Variants in TDRP observed in about 807,000 individuals in gnomAD.
TDRP encodes testis development related protein, also known as testis development-related protein.
Under a neutral mutation model 10.5 loss-of-function variants are expected in TDRP, and 12 were observed. That is an observed-to-expected ratio of 1.15 (90% CI 0.73 to 1.86). The LOEUF is 1.86. Among genes scored for constraint, TDRP ranks in the 40% most tolerant of loss-of-function variants. The probability of loss-of-function intolerance (pLI) is 0.00; values close to 1 mark genes in which losing one functional copy is unlikely to be tolerated. For synonymous variants in TDRP, 139 were observed against 95.4 expected (o/e 1.46, Z -2.67); for missense variants, 353 against 229.2 (o/e 1.54, Z -3.49).
At chr8:503,731 C>G (rs1356447381) in intron 1 of TDRP, among the ~76,000 whole-genome samples, 1 of 143,436 alleles carries the variant, frequency 7.0e-6, no homozygotes, top group African/African-American at 2.6e-5. Flanking sequence ...AGCTACACAT[C>G]AGAACCCGTG....
intron 1 of TDRP, among the ~76,000 whole-genome samples, chr8:522,743 C>G (rs1823256): frequency 0.7 from 106,150 of 152,050 alleles, 37,520 homozygotes; most frequent in African/African-American, 0.76. Flanking sequence ...CAACCCCTGC[C>G]TCTGATTCCT....
intron 1 of TDRP, among the ~76,000 whole-genome samples, chr8:531,613 TTAATC>T (rs1802200378): frequency 6.6e-6 from 1 of 152,234 alleles, no homozygotes; most frequent in Non-Finnish European, 1.5e-5. Flanking sequence ...GATGCCATCT[TTAATC>T]ACAGTTACAG....
chr8:499,214 T>C (rs1420523703), intron 1 of TDRP, among the ~76,000 whole-genome samples: 1 of 151,582 alleles, frequency 6.6e-6, no homozygotes, highest in African/African-American at 2.4e-5. Context: ...GTTTATGAAC[T>C]TCAAACAACG....
intron 1 of TDRP, among the ~76,000 whole-genome samples, chr8:501,944 G>A (rs1450568154): frequency 6.6e-6 from 1 of 152,188 alleles, no homozygotes; most frequent in Admixed American, 6.5e-5. Context: ...GAACAGTTCT[G>A]GACAAAGGCT....
At chr8:504,330 T>A (rs1801394547) in intron 1 of TDRP, among the ~76,000 whole-genome samples, 2 of 152,302 alleles carry the variant, frequency 1.3e-5, no homozygotes, top group South Asian at 4.1e-4. Context: ...CCAGACAGCA[T>A]GTTTTGGGTA....
chr8:519,880 G>C (rs1241676809), intron 1 of TDRP, among the ~76,000 whole-genome samples: 1 of 152,192 alleles, frequency 6.6e-6, no homozygotes, highest in African/African-American at 2.4e-5. Context: ...TGTGGCCAGA[G>C]GTGTCTGATC....
chr8:506,737 G>C (rs1439033834), intron 1 of TDRP, among the ~76,000 whole-genome samples: 1 of 152,224 alleles, frequency 6.6e-6, no homozygotes, highest in Non-Finnish European at 1.5e-5. Flanking sequence ...GCTGAGAGAT[G>C]TCCCTGGTGG....
chr8:534,698 G>A (rs1167185003), intron 1 of TDRP, among the ~76,000 whole-genome samples: 1 of 152,234 alleles, frequency 6.6e-6, no homozygotes, highest in African/African-American at 2.4e-5. Context: ...GGGTGATGAT[G>A]AGTGTTTGCT....
intron 1 of TDRP, among the ~76,000 whole-genome samples, chr8:527,539 G>A (rs1802065048): frequency 1.3e-5 from 2 of 151,966 alleles, no homozygotes; most frequent in East Asian, 1.9e-4. Flanking sequence ...GTAACCAAAT[G>A]GAACTGGCAC....
At chr8:525,738 A>G (rs1216104282) in intron 1 of TDRP, among the ~76,000 whole-genome samples, 1 of 152,226 alleles carries the variant, frequency 6.6e-6, no homozygotes, top group East Asian at 1.9e-4. Flanking sequence ...AGAGAAAATC[A>G]CCGACGGGAA....
intron 1 of TDRP, among the ~76,000 whole-genome samples, 188 bp downstream of exon 1, chr8:544,462 G>A (rs1802582246): frequency 6.6e-6 from 1 of 152,162 alleles, no homozygotes; most frequent in African/African-American, 2.4e-5. Context: ...CGAGCCTCGG[G>A]TCAAGTTCTC....
At position 492,483 on chromosome 8, in the gene TDRP, C is replaced by T. The variant is rs1801006946; in HGVS notation, c.474G>A (p.Trp158Ter). ...CCAGCCTCCCTGCCGCGCGCAGGCT[C>T]CACCTGGAGCTGTTGGCAGAGCTGG... ...SLASSANSSR[W>*]SLRAAGRLVS... Residue 158 changes from tryptophan to a stop codon, truncating the protein, a stop_gained, in exon 3 of 3, where the codon TGG becomes TGA. Transcript: ENST00000324079. LOFTEE classifies it low-confidence loss of function (END_TRUNC). The T allele has an allele frequency of 3.7e-6, 6 of 1,609,142 alleles. No individual in the cohort carries two copies. The Middle Eastern group carries it at 8.2e-4, about 221-fold the overall frequency.
intron 1 of TDRP, among the ~76,000 whole-genome samples, chr8:540,594 C>T (rs572985197): frequency 1.2e-4 from 19 of 152,150 alleles, no homozygotes; most frequent in African/African-American, 4.6e-4. Context: ...AATGATTCTC[C>T]TTACAAACCT....
At chr8:495,831 G>A (rs1801113678) in intron 1 of TDRP, among the ~76,000 whole-genome samples, 2 of 152,154 alleles carry the variant, frequency 1.3e-5, no homozygotes, top group African/African-American at 2.4e-5. Flanking sequence ...GGGTCTCCAG[G>A]GTGTAACACA....
chr8:532,161 C>T (rs1802218814), intron 1 of TDRP, among the ~76,000 whole-genome samples: 2 of 152,200 alleles, frequency 1.3e-5, no homozygotes, highest in Admixed American at 6.5e-5. Flanking sequence ...TGCACCACAT[C>T]CACTAACCTC....
intron 1 of TDRP, among the ~76,000 whole-genome samples, chr8:542,682 T>G (rs1209871840): frequency 6.6e-6 from 1 of 151,772 alleles, no homozygotes; most frequent in Non-Finnish European, 1.5e-5. Context: ...CTGACCAACA[T>G]GGACAACTCT....
chr8:544,691 C>A lies in TDRP; in HGVS notation c.67G>T (p.Gly23Trp), dbSNP rs566646227. The stretch of plus-strand genomic sequence containing the variant: ...GCGGCGGCGGCCGGTGGCGGCCCCC[C>A]ACGCAGGCCGTCCTCCTCCTCGGGG... Reference protein sequence around the residue: ...EPPEEEDGLRGGPPPAAAAAA... With the variant: ...EPPEEEDGLRWGPPPAAAAAA... Residue 23 changes from glycine to tryptophan, a missense_variant, in exon 1 of 3, where the codon GGG (glycine) becomes TGG (tryptophan). Physicochemically the swap from Gly to Trp is radical, Grantham distance 184. Transcript: ENST00000324079. 70 of 1,245,918 alleles carry A rather than the reference C, an allele frequency of 5.6e-5. 1 individual carries two copies. In the African/African-American group the frequency reaches 9.8e-4, roughly 17 times the overall value. 77.2% of individuals were successfully genotyped at this position (1,245,918 alleles called of 1,614,324 possible).
intron 1 of TDRP, among the ~76,000 whole-genome samples, chr8:533,242 T>A (rs145727020): frequency 5.4e-4 from 82 of 152,324 alleles, no homozygotes; most frequent in African/African-American, 1.9e-3. Context: ...TCTGACCCCA[T>A]GTCACTGCTG....
In TDRP at chr8:490,925, C is replaced by G. The variant is rs1456498607; in HGVS notation, c.*1474G>C. On this transcript the variant is annotated 3_prime_UTR_variant, in exon 3 of 3. Transcript: ENST00000324079. ...TGACAGAAGGCTAGATGGATGTAGA[C>G]TGAGAGAAGACAGACATAGAGGACA... is the stretch of plus-strand genomic sequence containing the variant. The G allele has an allele frequency of 6.6e-6, 1 of 150,544 alleles. No homozygotes were observed. The highest frequency in any genetic ancestry group is 1.5e-5 in the Non-Finnish European group (1 of 67,794). 9.3% of individuals were successfully genotyped at this position (150,544 alleles called of 1,614,324 possible).
Sources: allele counts gnomAD v4.1 joint callset (sites outside exome capture counted in the v4.1 genomes callset), GRCh38; gene constraint gnomAD v4.1.1; transcripts MANE v1.5; gene names NCBI Gene and HGNC (gene_info 2026-07-23, HGNC 2026-07-21).